Variants in ORC5 observed in about 807,000 individuals in gnomAD.
The protein encoded by ORC5 is protein phosphatase 1, regulatory subunit 117.
ORC5 carries 39 observed loss-of-function variants against 58.8 expected under a neutral mutation model. The observed-to-expected ratio is 0.66, with a 90% CI of 0.51 to 0.87. The LOEUF (loss-of-function observed/expected upper bound fraction) is 0.87, where lower values mean the gene tolerates loss of function less well. ORC5 is among the 40% of genes least tolerant of loss of function. The pLI is 0.00. For synonymous variants in ORC5, 218 were observed against 177.6 expected, an observed-to-expected ratio of 1.23 and a Z score of -1.81; for missense variants, 493 against 506.3, an observed-to-expected ratio of 0.97 and a Z score of 0.25.
At chr7:104,153,262 A>G (rs1447797847) in intron 12 of ORC5, among the ~76,000 whole-genome samples, 3 of 152,220 alleles carry the variant, frequency 2.0e-5, no homozygotes. Flanking sequence ...TATCTACTGC[A>G]GAGTGGTCTG....
At chr7:104,150,720 T>C (rs1042532561) in intron 12 of ORC5, among the ~76,000 whole-genome samples, 1 of 152,144 alleles carries the variant, frequency 6.6e-6, no homozygotes, top group East Asian at 1.9e-4. Flanking sequence ...AAATGCCTGT[T>C]AGGAGAATGG....
chr7:104,193,931 T>C (rs976730438), intron 5 of ORC5, among the ~76,000 whole-genome samples: 1 of 151,718 alleles, frequency 6.6e-6, no homozygotes, highest in Non-Finnish European at 1.5e-5. Flanking sequence ...ATTTAAATTA[T>C]AGAATTTTAA....
At chr7:104,169,753 T>C (rs570409579) in intron 8 of ORC5, among the ~76,000 whole-genome samples, 1 of 152,312 alleles carries the variant, frequency 6.6e-6, no homozygotes, top group East Asian at 1.9e-4. Flanking sequence ...GATGCCCATC[T>C]CTCACCTGTA....
Position 104,126,817 on chromosome 7 carries a change from C to T in ORC5, c.*31G>A. The T allele has an allele frequency of 1.9e-6, 3 of 1,550,188 alleles. No homozygotes were observed. Among genetic ancestry groups the T allele is most frequent in the Non-Finnish European group, 2.7e-6 (3 of 1,127,360 alleles). On this transcript the variant is annotated 3_prime_UTR_variant, in exon 14 of 14. Transcript: ENST00000297431. ...GAACACAGCTTGGCTTAGTCATTGT[C>T]ACAGTGTCCATATGGCTTTGAAGCT...
intron 8 of ORC5, among the ~76,000 whole-genome samples, chr7:104,181,787 G>A (rs1232332690): frequency 4.1e-5 from 5 of 122,072 alleles, no homozygotes; most frequent in Non-Finnish European, 5.3e-5. Flanking sequence ...GCGAGACTCC[G>A]TCTCAAAAAA....
intron 12 of ORC5, among the ~76,000 whole-genome samples, chr7:104,154,054 T>C (rs888386609): frequency 6.6e-6 from 1 of 152,092 alleles, no homozygotes; most frequent in African/African-American, 2.4e-5. Context: ...AAATAATGTA[T>C]ATTAAAAAAG....
At chr7:104,201,423 A>G (rs183139872) in intron 2 of ORC5, among the ~76,000 whole-genome samples, 1 of 152,098 alleles carries the variant, frequency 6.6e-6, no homozygotes, top group East Asian at 1.9e-4. Flanking sequence ...CCATTATAAA[A>G]CTGTCCCTTC....
At chr7:104,195,797 T>A (rs1233771735) in intron 4 of ORC5, among the ~76,000 whole-genome samples, 1 of 152,206 alleles carries the variant, frequency 6.6e-6, no homozygotes, top group African/African-American at 2.4e-5. Flanking sequence ...AAAAATATGA[T>A]TATCTAAAAG....
chr7:104,166,241 G>A (rs1312445859), intron 10 of ORC5, among the ~76,000 whole-genome samples: 1 of 152,006 alleles, frequency 6.6e-6, no homozygotes, highest in Non-Finnish European at 1.5e-5. Flanking sequence ...GAGTAGAGAA[G>A]GAGCTTTCCA....
chr7:104,206,066 T>C (rs1800075240), intron 1 of ORC5, among the ~76,000 whole-genome samples: 1 of 152,232 alleles, frequency 6.6e-6, no homozygotes, highest in Non-Finnish European at 1.5e-5. Context: ...TGAGTATCTC[T>C]GCTATCCATT....
chr7:104,169,183 T>C (rs904334572), intron 8 of ORC5, among the ~76,000 whole-genome samples: 1 of 152,198 alleles, frequency 6.6e-6, no homozygotes, highest in African/African-American at 2.4e-5. Flanking sequence ...TCATATACTA[T>C]TTCTAAACTC....
At chr7:104,144,537 C>T (rs1187344179) in intron 12 of ORC5, among the ~76,000 whole-genome samples, 3 of 152,170 alleles carry the variant, frequency 2.0e-5, no homozygotes, top group African/African-American at 7.2e-5. Context: ...AGGCAGATTA[C>T]CTGAGGTCAG....
chr7:104,144,372 CCTTT>C (rs769396048), intron 12 of ORC5, among the ~76,000 whole-genome samples: 4 of 152,170 alleles, frequency 2.6e-5, no homozygotes, highest in East Asian at 1.9e-4. Context: ...TATCCACCTT[CCTTT>C]CTATTATCCA....
At chr7:104,160,708 CTG>C (rs1799007631) in intron 12 of ORC5, among the ~76,000 whole-genome samples, 1 of 151,870 alleles carries the variant, frequency 6.6e-6, no homozygotes, top group Non-Finnish European at 1.5e-5. Context: ...GTAGATTACT[CTG>C]TTACAAAAAA....
At chr7:104,200,266 T>C (rs543166067) in intron 3 of ORC5, among the ~76,000 whole-genome samples, 1 of 152,352 alleles carries the variant, frequency 6.6e-6, no homozygotes, top group South Asian at 2.1e-4. Context: ...TGCTTTAGTA[T>C]AGTTTTCTAG....
At chr7:104,162,930 A>C (rs1373732979) in intron 11 of ORC5, among the ~76,000 whole-genome samples, 1 of 152,214 alleles carries the variant, frequency 6.6e-6, no homozygotes, top group Non-Finnish European at 1.5e-5. Context: ...GCATGGTTTA[A>C]AATTTTATAT....
intron 8 of ORC5, among the ~76,000 whole-genome samples, chr7:104,183,380 G>T (rs922311575): frequency 1.7e-4 from 26 of 152,116 alleles, no homozygotes; most frequent in African/African-American, 6.0e-4. Flanking sequence ...CTGGCACCAA[G>T]GGACAATAAA....
At chr7:104,197,674 A>T in intron 4 of ORC5, 51 bp downstream of exon 4, 1 of 1,219,634 alleles carries the variant, frequency 8.2e-7, no homozygotes, top group South Asian at 1.4e-5. Context: ...CTTTTACAAC[A>T]CAATCCATTG....
rs1799655957 is a variant in ORC5, at chr7:104,190,719, T to C, written c.554-2338A>G. Among the ~76,000 whole-genome samples, 3 of 152,048 alleles carry C rather than the reference T, an allele frequency of 2.0e-5. No homozygotes were observed. In the East Asian group the frequency reaches 5.8e-4, roughly 29 times the overall value. ...TTAGACTTCTTAGTTAAGAGCTCTTTGCATATGACTACAACTTTAAACCTA... is the reference window on the plus strand; with the variant it reads ...TTAGACTTCTTAGTTAAGAGCTCTTCGCATATGACTACAACTTTAAACCTA... On this transcript the variant is annotated intron_variant, in intron 5 of 13. Transcript: ENST00000297431.
Sources: gnomAD v4.1 joint callset for allele counts (sites outside exome capture counted in the v4.1 genomes callset) on GRCh38, gnomAD v4.1.1 for gene constraint, MANE v1.5 for transcripts, NCBI Gene and HGNC (gene_info 2026-07-23, HGNC 2026-07-21) for gene names.